The following NCS1 variants were observed in gnomAD, a reference collection of about 807,000 sequenced individuals.
NCS1 encodes the protein frequenin homolog.
In NCS1, 6 loss-of-function variants were observed where a neutral mutation model predicts 28.4. The ratio of observed to expected loss-of-function variants is 0.21; its 90% confidence interval spans 0.12 to 0.42. The LOEUF is 0.42. NCS1 is among the 10% of genes least tolerant of loss of function. The pLI is 1.00. For synonymous variants in NCS1, 86 were observed against 99.3 expected, an observed-to-expected ratio of 0.87 and a Z score of 0.79; for missense variants, 131 against 241.4, an observed-to-expected ratio of 0.54 and a Z score of 3.03.
At chr9:130,199,207 C>T (rs1832912030) in intron 1 of NCS1, among the ~76,000 whole-genome samples, 1 of 152,070 alleles carries the variant, frequency 6.6e-6, no homozygotes, top group South Asian at 2.1e-4. Context: ...GATTCTCCTG[C>T]CTCAGCCTCT....
In NCS1 at chr9:130,232,510, C is replaced by T. The variant is rs782386484; in HGVS notation, c.*18-480C>T. The stretch of plus-strand genomic sequence containing the variant: ...ATTAAGGATAAATATAGGCTGGGCA[C>T]GGTGGCTCACGCCTGTAATCCCAGC... On this transcript the variant is annotated intron_variant, in intron 7 of 7. Transcript: ENST00000372398. The surrounding 1 kb of genome is among the most constrained non-coding windows in gnomAD (Gnocchi z 4.4). 3.3e-5 allele frequency among the ~76,000 whole-genome samples: 5 copies of T among 152,146 alleles called. No individual in the cohort carries two copies. The highest frequency in any genetic ancestry group is 2.1e-4 in the South Asian group (1 of 4,798).
At position 130,236,612 on chromosome 9, in the gene NCS1, G is replaced by A. The variant is rs1316136311; in HGVS notation, c.*3640G>A. 1.3e-5 allele frequency: 2 copies of A among 151,380 alleles called. No homozygotes were observed. Among genetic ancestry groups the A allele is most frequent in the African/African-American group, 4.9e-5 (2 of 41,010 alleles). 9.4% of individuals were successfully genotyped at this position (151,380 alleles called of 1,614,324 possible). ...TGGTTAATTTTTGAATGAATAAAAG[G>A]CTTTTGTTGAATAAACAGCTGGTCC... is the stretch of plus-strand genomic sequence containing the variant. On this transcript the variant is annotated 3_prime_UTR_variant, in exon 8 of 8. Transcript: ENST00000372398.
Position 130,176,165 on chromosome 9 carries a change from TC to T in NCS1, c.64+3439del, listed in dbSNP as rs1564700720. On this transcript the variant is annotated intron_variant, in intron 1 of 7. Coordinates refer to ENST00000372398, the MANE Select transcript of NCS1 (RefSeq NM_014286.4). ...TTCTTTCTTTCTTTCTTTCTTTCTT[TC>T]TTTCTTTCTTTCTTTCTTTCTTTCT... Among the ~76,000 whole-genome samples the T allele has an allele frequency of 8.8e-3, 753 of 85,500 alleles. 32 individuals carry two copies. The highest frequency in any genetic ancestry group is 0.02 in the African/African-American group (246 of 12,594). The allele number at this position is 85,500 out of a possible 152,430, so 56.1% of individuals were successfully genotyped here. A position where few individuals can be genotyped will look rare whatever the true frequency, so the allele number is the denominator to read the frequency against.
chr9:130,184,959 G>A lies in NCS1; in HGVS notation c.64+12232G>A, dbSNP rs565381397. ...AGCCTGGGCGACAGAATAAGACTCC[G>A]AGACTCCGTCTCAAAAAAAAAAAAA... On this transcript the variant is annotated intron_variant, in intron 1 of 7. Coordinates refer to ENST00000372398, the MANE Select transcript of NCS1 (RefSeq NM_014286.4). Among the ~76,000 whole-genome samples, 5 of 151,356 alleles carry A rather than the reference G, an allele frequency of 3.3e-5. No homozygotes were observed. The South Asian group carries it at 6.3e-4, about 19-fold the overall frequency.
At chr9:130,218,057 A>T in intron 3 of NCS1, 87 bp downstream of exon 3, 1 of 1,552,676 alleles carries the variant, frequency 6.4e-7, no homozygotes, top group Non-Finnish European at 8.8e-7. Context: ...TCTCCTGCCG[A>T]TGTTCCCTTC....
At chr9:130,187,614 T>G (rs928387477) in intron 1 of NCS1, among the ~76,000 whole-genome samples, 4 of 152,196 alleles carry the variant, frequency 2.6e-5, no homozygotes, top group Admixed American at 6.5e-5. Context: ...CACTGCATTC[T>G]GGGAGGGGAG....
In NCS1 at chr9:130,209,001, TG is replaced by T. The variant is rs71387331; in HGVS notation, c.89+8025del. 6.6e-6 allele frequency among the ~76,000 whole-genome samples: 1 copy of T among 152,006 alleles called. No individual in the cohort carries two copies. Among genetic ancestry groups the T allele is most frequent in the Non-Finnish European group, 1.5e-5 (1 of 67,990 alleles). Reference sequence around the variant, plus strand: ...GGAAACCTGTAAAACCGGAGGCTACTGGGGGGAAGGGAAAGGAAGAGGAACC... The same window carrying T: ...GGAAACCTGTAAAACCGGAGGCTACTGGGGGAAGGGAAAGGAAGAGGAACC... On this transcript the variant is annotated intron_variant, in intron 2 of 7. Transcript: ENST00000372398. This position sits in a 1 kb window ranked among gnomAD's most constrained non-coding sequence, Gnocchi z 4.4.
intron 1 of NCS1, chr9:130,200,688 G>T (rs1554907361): frequency 6.5e-7 from 1 of 1,546,100 alleles, no homozygotes; most frequent in African/African-American, 1.4e-5. Flanking sequence ...CGTTCCTGGG[G>T]GCTCTCCCAG....
Position 130,179,664 on chromosome 9 carries a change from A to G in NCS1, c.64+6937A>G, listed in dbSNP as rs556415149. ...GATGAGAGAGTGCCTATTTCTCTGC[A>G]TTCTTGCCAGCACTGGGTATTACTG... is the stretch of plus-strand genomic sequence containing the variant. On this transcript the variant is annotated intron_variant, in intron 1 of 7. Transcript: ENST00000372398. Among the ~76,000 whole-genome samples the G allele has an allele frequency of 1.8e-4, 27 of 152,352 alleles. No individual in the cohort carries two copies. The South Asian group carries it at 5.4e-3, about 30-fold the overall frequency.
At chr9:130,198,352 T>TG (rs1335549002) in intron 1 of NCS1, among the ~76,000 whole-genome samples, 1 of 152,134 alleles carries the variant, frequency 6.6e-6, no homozygotes, top group Non-Finnish European at 1.5e-5. Context: ...ACTTCGGAGC[T>TG]GGGGGTCCAG....
intron 2 of NCS1, among the ~76,000 whole-genome samples, chr9:130,213,887 G>A (rs1554909050): frequency 2.6e-5 from 4 of 152,240 alleles, no homozygotes; most frequent in African/African-American, 9.6e-5. Context: ...CCACACCTCA[G>A]TGGTTTTCTA....
chr9:130,192,117 G>C lies in NCS1; in HGVS notation c.65-8841G>C, dbSNP rs754728199. 1.3e-5 allele frequency among the ~76,000 whole-genome samples: 2 copies of C among 152,158 alleles called. No homozygotes were observed. The highest frequency in any genetic ancestry group is 3.9e-4 in the East Asian group (2 of 5,190). On this transcript the variant is annotated intron_variant, in intron 1 of 7. Transcript: ENST00000372398. This position sits in a 1 kb window ranked among gnomAD's most constrained non-coding sequence, Gnocchi z 4.8. The stretch of plus-strand genomic sequence containing the variant: ...GGTGCTGGGGCCCAGCTGCCCTTTA[G>C]CCAGGCAGTGGTGGCAGACAGGTAT...
chr9:130,229,148 A>C (rs2131162329), intron 7 of NCS1, among the ~76,000 whole-genome samples: 1 of 152,318 alleles, frequency 6.6e-6, no homozygotes, highest in South Asian at 2.1e-4. Context: ...TTTAGTGTCC[A>C]GAGTGATTTT....
intron 4 of NCS1, among the ~76,000 whole-genome samples, chr9:130,221,391 TATATATATATATATATATATATAGAG>T (rs1198613799): frequency 1.6e-4 from 6 of 36,376 alleles, no homozygotes; most frequent in African/African-American, 4.4e-4. Context: ...TATATATATA[TATATATATATATATATATATATAGAG>T]AGAGAGAGAG....
rs183779075 is a variant in NCS1, at chr9:130,179,474, G to A, written c.64+6747G>A. 3.2e-3 allele frequency among the ~76,000 whole-genome samples: 483 copies of A among 152,270 alleles called. 2 individuals are homozygous for A. The highest frequency in any genetic ancestry group is 5.5e-3 in the Non-Finnish European group (372 of 68,016). Reference sequence around the variant, plus strand: ...ACATCTTTGTACCACATCTTTGCATGAATGTCTTTGCACTAAATCTTTGCA... The same window carrying A: ...ACATCTTTGTACCACATCTTTGCATAAATGTCTTTGCACTAAATCTTTGCA... On this transcript the variant is annotated intron_variant, in intron 1 of 7. Transcript: ENST00000372398.
At chr9:130,207,997 G>T (rs1221216422) in intron 2 of NCS1, among the ~76,000 whole-genome samples, 7 of 152,094 alleles carry the variant, frequency 4.6e-5, no homozygotes, top group Admixed American at 1.3e-4. Flanking sequence ...ATTCACCGTC[G>T]TGGAAGATCA....
chr9:130,225,451 C>T (rs1157507082), intron 6 of NCS1, among the ~76,000 whole-genome samples: 1 of 152,256 alleles, frequency 6.6e-6, no homozygotes, highest in African/African-American at 2.4e-5. Context: ...GGTGTGCGTC[C>T]ACGTGGCTTA....
chr9:130,213,890 G>C (rs1400681069), intron 2 of NCS1, among the ~76,000 whole-genome samples: 9 of 152,228 alleles, frequency 5.9e-5, no homozygotes, highest in African/African-American at 2.2e-4. Context: ...CACCTCAGTG[G>C]TTTTCTAACT....
In NCS1 at chr9:130,191,356, C is replaced by T. The variant is rs1054433069; in HGVS notation, c.65-9602C>T. ...CCTGGCCTGGCCCGAGTCTGCCCTC[C>T]GGGGCCAGGGACTCCATCTACTCGC... is the stretch of plus-strand genomic sequence containing the variant. On this transcript the variant is annotated intron_variant, in intron 1 of 7. Transcript: ENST00000372398. The surrounding 1 kb of genome is among the most constrained non-coding windows in gnomAD (Gnocchi z 6.4). 2.0e-5 allele frequency among the ~76,000 whole-genome samples: 3 copies of T among 152,134 alleles called. No homozygotes were observed. The highest frequency in any genetic ancestry group is 1.9e-4 in the East Asian group (1 of 5,168).
Sources: allele counts gnomAD v4.1 joint callset (sites outside exome capture counted in the v4.1 genomes callset), GRCh38; gene constraint gnomAD v4.1.1; non-coding constraint Gnocchi (gnomAD v3.1); transcripts MANE v1.5; gene names NCBI Gene and HGNC (gene_info 2026-07-23, HGNC 2026-07-21).